MAGI2: variants seen among roughly 807,000 people sequenced by gnomAD.
The protein encoded by MAGI2 is membrane-associated guanylate kinase, WW and PDZ domain-containing protein 2.
A neutral mutation model predicts 133.3 loss-of-function variants in MAGI2; 35 were observed. The ratio of observed to expected loss-of-function variants is 0.26; its 90% CI spans 0.20 to 0.35. The LOEUF is 0.35. MAGI2 is among the 10% of genes least tolerant of loss of function. The pLI is 1.00. For missense variants in MAGI2, 1,636 were observed against 1,863.4 expected (o/e 0.88, Z 2.25); for synonymous variants, 729 against 710.6 (o/e 1.03, Z -0.41).
intron 1 of MAGI2, among the ~76,000 whole-genome samples, chr7:79,139,302 C>T (rs1026969520): frequency 1.3e-5 from 2 of 152,202 alleles, no homozygotes; most frequent in Non-Finnish European, 2.9e-5. Flanking sequence ...CATTACCTGA[C>T]ACTCATTTAC....
chr7:78,604,971 T>G (rs925335164), intron 3 of MAGI2, among the ~76,000 whole-genome samples: 2 of 152,200 alleles, frequency 1.3e-5, no homozygotes, highest in Non-Finnish European at 2.9e-5. Flanking sequence ...CTTCCAATAA[T>G]GGAAAACAAG....
intron 2 of MAGI2, among the ~76,000 whole-genome samples, chr7:78,718,445 C>T (rs1030234699): frequency 2.0e-5 from 3 of 151,814 alleles, no homozygotes; most frequent in Non-Finnish European, 4.4e-5. Context: ...ATAGCTACTC[C>T]CCATTCCTTG....
intron 1 of MAGI2, among the ~76,000 whole-genome samples, chr7:79,436,240 A>G (rs935986147): frequency 6.6e-6 from 1 of 151,820 alleles, no homozygotes; most frequent in African/African-American, 2.4e-5. Flanking sequence ...AAAAAAAAAA[A>G]AAGTCCTTGA....
At chr7:79,258,426 C>T (rs188549205) in intron 1 of MAGI2, among the ~76,000 whole-genome samples, 40 of 152,258 alleles carry the variant, frequency 2.6e-4, no homozygotes, top group African/African-American at 8.4e-4. Flanking sequence ...CCAAATAAAC[C>T]TTCTTCCTTC....
intron 1 of MAGI2, among the ~76,000 whole-genome samples, chr7:79,047,791 A>T (rs1812315496): frequency 6.6e-6 from 1 of 152,154 alleles, no homozygotes; most frequent in Admixed American, 6.6e-5. Flanking sequence ...AATGAAGTTC[A>T]TTCATTAAAC....
At chr7:79,241,114 G>A (rs941698185) in intron 1 of MAGI2, among the ~76,000 whole-genome samples, 9 of 151,970 alleles carry the variant, frequency 5.9e-5, no homozygotes, top group South Asian at 4.1e-4. Flanking sequence ...TGATGTCTCC[G>A]TTGCTTGTCC....
intron 1 of MAGI2, chr7:79,412,929 A>G (rs951061761): frequency 6.6e-6 from 1 of 152,150 alleles, no homozygotes; most frequent in Non-Finnish European, 1.5e-5. Flanking sequence ...ATCTTATCAA[A>G]TGCCTTTTGA....
At chr7:78,546,902 A>G (rs2150688853) in intron 3 of MAGI2, among the ~76,000 whole-genome samples, 1 of 152,334 alleles carries the variant, frequency 6.6e-6, no homozygotes, top group East Asian at 1.9e-4. Context: ...CATAGCACTC[A>G]ACTTTGTGCA....
At chr7:78,252,080 G>C (rs1792441112) in intron 10 of MAGI2, 1 of 148,664 alleles carries the variant, frequency 6.7e-6, no homozygotes, top group Admixed American at 6.8e-5. Flanking sequence ...TGAGGCTGCA[G>C]TGAGCTATGA....
chr7:78,026,589 A>G (rs1165628103), intron 21 of MAGI2, among the ~76,000 whole-genome samples: 10 of 150,854 alleles, frequency 6.6e-5, no homozygotes, highest in African/African-American at 2.4e-4. Flanking sequence ...CACAAAGGTG[A>G]TTGCTCTTTA....
intron 2 of MAGI2, among the ~76,000 whole-genome samples, chr7:78,728,787 G>A (rs1371797948): frequency 8.0e-6 from 1 of 125,704 alleles, no homozygotes; most frequent in Non-Finnish European, 1.7e-5. Context: ...GGATGGTCTC[G>A]ATCTCCTGAC....
intron 1 of MAGI2, among the ~76,000 whole-genome samples, chr7:79,043,794 TAGA>T (rs1395624834): frequency 2.0e-5 from 3 of 152,022 alleles, no homozygotes; most frequent in Admixed American, 1.3e-4. Flanking sequence ...CTAGAAAATG[TAGA>T]AGAAATGGAT....
At chr7:78,663,703 G>T (rs953842338) in intron 2 of MAGI2, among the ~76,000 whole-genome samples, 2 of 152,072 alleles carry the variant, frequency 1.3e-5, no homozygotes, top group African/African-American at 4.8e-5. Context: ...TTCAATGGAA[G>T]GAAACAGTTA....
chr7:79,247,702 A>G (rs76189057), intron 1 of MAGI2, among the ~76,000 whole-genome samples: 3,223 of 152,254 alleles, frequency 0.021, 126 homozygotes, highest in African/African-American at 0.073. Context: ...CAAAAAGTTC[A>G]AAAATGGGGG....
intron 2 of MAGI2, among the ~76,000 whole-genome samples, chr7:78,916,191 A>G (rs948048148): frequency 3.3e-5 from 5 of 152,092 alleles, no homozygotes; most frequent in African/African-American, 1.2e-4. Context: ...TCATCTGTAA[A>G]ATAGGAACAA....
chr7:78,691,070 A>G (rs1205282423), intron 2 of MAGI2, among the ~76,000 whole-genome samples: 2 of 152,074 alleles, frequency 1.3e-5, no homozygotes, highest in Non-Finnish European at 2.9e-5. Context: ...CTTTTAAATG[A>G]TTCTTAAATC....
At position 78,991,318 on chromosome 7, in the gene MAGI2, A is replaced by G. The variant is rs186222178; in HGVS notation, c.418+15772T>C. Among the ~76,000 whole-genome samples the G allele has an allele frequency of 1.0e-3, 119 of 117,162 alleles. No individual in the cohort carries two copies. In the Middle Eastern group the frequency reaches 0.013, roughly 12 times the overall value. 76.9% of individuals were successfully genotyped at this position (117,162 alleles called of 152,430 possible). ...AGAATGGACTAATAGACACACACAT[A>G]CACACACACACACACACACACCCCT... On this transcript the variant is annotated intron_variant, in intron 2 of 21. Coordinates refer to ENST00000354212, the MANE Select transcript of MAGI2 (RefSeq NM_012301.4).
intron 5 of MAGI2, among the ~76,000 whole-genome samples, chr7:78,490,931 T>A (rs1793547191): frequency 6.6e-6 from 1 of 151,932 alleles, no homozygotes; most frequent in Non-Finnish European, 1.5e-5. Flanking sequence ...AGAAGGCCAA[T>A]GAATGGAACA....
intron 2 of MAGI2, among the ~76,000 whole-genome samples, chr7:78,647,187 A>G (rs1810985784): frequency 6.6e-6 from 1 of 152,232 alleles, no homozygotes. Context: ...CAGCAGAACT[A>G]TTATCAGAGT....
Sources: gnomAD v4.1 joint callset for allele counts (sites outside exome capture counted in the v4.1 genomes callset) on GRCh38, gnomAD v4.1.1 for gene constraint, MANE v1.5 for transcripts, NCBI Gene and HGNC (gene_info 2026-07-23, HGNC 2026-07-21) for gene names.